WDR49: variants seen among roughly 807,000 people sequenced by gnomAD.
The protein encoded by WDR49 is cilia- and flagella-associated protein 337.
Under a neutral mutation model 119.5 loss-of-function variants are expected in WDR49, and 107 were observed. The observed-to-expected ratio is 0.90, with a 90% CI of 0.77 to 1.05. The LOEUF (loss-of-function observed/expected upper bound fraction) is 1.05, where lower values mean the gene tolerates loss of function less well. Ranked by LOEUF, WDR49 falls within the 50% of genes least tolerant of loss-of-function variation. The probability of loss-of-function intolerance (pLI) is 0.00; values close to 1 mark genes in which losing one functional copy is unlikely to be tolerated. For synonymous variants in WDR49, 425 were observed against 418.8 expected, an observed-to-expected ratio of 1.01 and a Z score of -0.18; for missense variants, 1,240 against 1,220.5, an observed-to-expected ratio of 1.02 and a Z score of -0.24.
intron 7 of WDR49, among the ~76,000 whole-genome samples, chr3:167,585,696 G>T (rs899858191): frequency 6.6e-6 from 1 of 151,336 alleles, no homozygotes; most frequent in African/African-American, 2.4e-5. Context: ...CACACTCAAA[G>T]GATAATATAT....
chr3:167,555,505 C>A (rs561718694), intron 9 of WDR49, among the ~76,000 whole-genome samples: 1 of 152,098 alleles, frequency 6.6e-6, no homozygotes, highest in African/African-American at 2.4e-5. Flanking sequence ...ATTTACAGCC[C>A]GTCAGTCAGA....
intron 14 of WDR49, among the ~76,000 whole-genome samples, chr3:167,528,753 T>A (rs1447904437): frequency 6.6e-6 from 1 of 151,852 alleles, no homozygotes; most frequent in African/African-American, 2.4e-5. Context: ...ACATTAAAAA[T>A]AAGGTGTATC....
chr3:167,552,776 C>A (rs971328336), intron 10 of WDR49, among the ~76,000 whole-genome samples: 1 of 151,968 alleles, frequency 6.6e-6, no homozygotes, highest in Non-Finnish European at 1.5e-5. Flanking sequence ...TAATGCTACA[C>A]AGCACTGTAA....
chr3:167,599,704 C>T (rs1715663998), intron 7 of WDR49, among the ~76,000 whole-genome samples: 1 of 152,182 alleles, frequency 6.6e-6, no homozygotes, highest in Non-Finnish European at 1.5e-5. Context: ...GTCAACACAT[C>T]TCAGTCTCAC....
intron 16 of WDR49, among the ~76,000 whole-genome samples, chr3:167,513,203 G>A (rs1348306283): frequency 1.3e-5 from 2 of 152,150 alleles, no homozygotes; most frequent in African/African-American, 4.8e-5. Context: ...CAGCCAGAGA[G>A]AAAGGCCAAG....
chr3:167,615,192 A>C (rs973595375), intron 5 of WDR49, among the ~76,000 whole-genome samples: 1 of 152,180 alleles, frequency 6.6e-6, no homozygotes, highest in African/African-American at 2.4e-5. Flanking sequence ...TGAGGAGTAT[A>C]GTGGTGATCA....
At chr3:167,514,349 A>G (rs139728905) in intron 16 of WDR49, among the ~76,000 whole-genome samples, 4 of 152,006 alleles carry the variant, frequency 2.6e-5, no homozygotes, top group African/African-American at 7.2e-5. Context: ...CTGCTCTTGA[A>G]TGACTCCTGG....
chr3:167,548,528 T>G (rs1577232039), intron 10 of WDR49, among the ~76,000 whole-genome samples: 1 of 152,096 alleles, frequency 6.6e-6, no homozygotes, highest in East Asian at 1.9e-4. Flanking sequence ...CTCAACAGTT[T>G]GTCGCTAACT....
intron 18 of WDR49, among the ~76,000 whole-genome samples, chr3:167,480,056 C>A (rs1577184999): frequency 6.6e-6 from 1 of 151,478 alleles, no homozygotes; most frequent in East Asian, 1.9e-4. Context: ...TTTAGTGAAA[C>A]CCCGTCTCTA....
chr3:167,647,791 A>C (rs1358116680), intron 2 of WDR49, among the ~76,000 whole-genome samples: 1 of 152,204 alleles, frequency 6.6e-6, no homozygotes, highest in Non-Finnish European at 1.5e-5. Context: ...ACAAGTCTCC[A>C]CTGAGATGCC....
chr3:167,644,305 A>G (rs998154193), intron 2 of WDR49, among the ~76,000 whole-genome samples: 1 of 152,106 alleles, frequency 6.6e-6, no homozygotes, highest in Non-Finnish European at 1.5e-5. Flanking sequence ...CATTTTAAGA[A>G]CATTTATGTT....
Position 167,536,857 on chromosome 3 carries a change from A to C in WDR49, c.1954+13T>G. The C allele has an allele frequency of 6.7e-7, 1 of 1,482,346 alleles. No homozygotes were observed. Among genetic ancestry groups the C allele is most frequent in the South Asian group, 1.5e-5 (1 of 66,684 alleles). The allele number at this position is 1,482,346 out of a possible 1,614,324, so 91.8% of individuals were successfully genotyped here. A position where few individuals can be genotyped will look rare whatever the true frequency, so the allele number is the denominator to read the frequency against. On this transcript the variant is annotated intron_variant, in intron 11 of 18. Transcript: ENST00000682715. ...AACTTCACCAATGATTGTCAAGTGA[A>C]AGTTCAATTTACCCGTAACAAGAGT...
At chr3:167,551,930 T>C (rs1020491360) in intron 10 of WDR49, among the ~76,000 whole-genome samples, 1 of 151,992 alleles carries the variant, frequency 6.6e-6, no homozygotes. Flanking sequence ...ATTTTGTCTC[T>C]ATACTGAGAG....
At chr3:167,501,752 T>C (rs1409737652) in intron 17 of WDR49, among the ~76,000 whole-genome samples, 1 of 152,236 alleles carries the variant, frequency 6.6e-6, no homozygotes, top group East Asian at 1.9e-4. Context: ...TTTAGGTTAC[T>C]GGTCTTTAAT....
chr3:167,645,905 TGAGAA>T (rs779137710), intron 2 of WDR49, among the ~76,000 whole-genome samples: 2 of 152,156 alleles, frequency 1.3e-5, no homozygotes, highest in Admixed American at 6.6e-5. Flanking sequence ...TAGGAAGCTA[TGAGAA>T]GAGAAAACAG....
At chr3:167,528,120 T>C in intron 14 of WDR49, 103 bp from the exon 15 acceptor site, 1 of 923,528 alleles carries the variant, frequency 1.1e-6, no homozygotes, top group Non-Finnish European at 1.6e-6. Context: ...TTGGGAACAA[T>C]AACCTATGAT....
intron 2 of WDR49, among the ~76,000 whole-genome samples, chr3:167,641,289 T>C (rs563346245): frequency 2.0e-4 from 31 of 152,100 alleles, no homozygotes; most frequent in African/African-American, 7.5e-4. Flanking sequence ...TAAGAACATT[T>C]GCTTTCCTTG....
chr3:167,584,227 G>C (rs771608617), intron 7 of WDR49, among the ~76,000 whole-genome samples: 12 of 152,050 alleles, frequency 7.9e-5, no homozygotes, highest in Non-Finnish European at 1.5e-4. Context: ...AATATGATAA[G>C]AATGCCTCCT....
At chr3:167,605,457 A>T (rs190260738) in intron 5 of WDR49, among the ~76,000 whole-genome samples, 3 of 152,210 alleles carry the variant, frequency 2.0e-5, no homozygotes, top group African/African-American at 7.2e-5. Flanking sequence ...GGCATCTACT[A>T]TGTGTTCTGT....
Sources: allele counts gnomAD v4.1 joint callset (sites outside exome capture counted in the v4.1 genomes callset), GRCh38; gene constraint gnomAD v4.1.1; transcripts MANE v1.5; gene names NCBI Gene and HGNC (gene_info 2026-07-23, HGNC 2026-07-21).